The following MXD4 variants were observed in gnomAD, a reference collection of about 807,000 sequenced individuals.
The protein encoded by MXD4 is Mad4 homolog.
A neutral mutation model predicts 24.5 loss-of-function variants in MXD4; 16 were observed. That is an observed-to-expected ratio of 0.65 (90% confidence interval 0.44 to 0.99). The LOEUF is 0.99. Among genes scored for constraint, MXD4 ranks in the 50% least tolerant of loss-of-function variants. MXD4 has a pLI of 0.00. For missense variants in MXD4, 301 were observed against 301.5 expected, an observed-to-expected ratio of 1.00 and a Z score of 0.01; for synonymous variants, 164 against 134.2, an observed-to-expected ratio of 1.22 and a Z score of -1.54.
intron 3 of MXD4, among the ~76,000 whole-genome samples, chr4:2,256,109 C>A (rs185885501): frequency 8.5e-5 from 13 of 152,340 alleles, no homozygotes; most frequent in Admixed American, 7.8e-4. Flanking sequence ...TCTGGACTGG[C>A]CTTTGGGATG....
intron 3 of MXD4, 79 bp from the exon 4 acceptor site, chr4:2,252,601 AC>A (rs2108788874): frequency 1.1e-6 from 1 of 907,546 alleles, no homozygotes; most frequent in Non-Finnish European, 1.7e-6. Context: ...GCACAGACCC[AC>A]CCCCACCATC....
Position 2,252,490 on chromosome 4 carries a change from A to G in MXD4, c.227T>C (p.Leu76Pro). The G allele has an allele frequency of 6.2e-7, 1 of 1,611,790 alleles. No individual in the cohort carries two copies. The highest frequency in any genetic ancestry group is 8.5e-7 in the Non-Finnish European group (1 of 1,179,892). Residue 76 changes from leucine (L) to proline (P), a missense_variant, in exon 4 of 6, where the codon CTC (leucine) becomes CCC (proline). Physicochemically the swap from Leu to Pro is moderately conservative, Grantham distance 98. Coordinates refer to ENST00000337190, the MANE Select transcript of MXD4 (RefSeq NM_006454.3). ...RAKLRLYLEQ[L>P]KQLVPLGPDS... ...GGGGCCCAGGGGCACCAGTTGCTTG[A>G]GCTGCTCAAGGTACAGCCTGAGTTT...
At chr4:2,255,939 C>T (rs966641641) in intron 3 of MXD4, among the ~76,000 whole-genome samples, 1 of 152,134 alleles carries the variant, frequency 6.6e-6, no homozygotes, top group Admixed American at 6.5e-5. Flanking sequence ...GTGCCTCCCA[C>T]TCCCTCTGCC....
Position 2,247,445 on chromosome 4 carries a change from T to C in MXD4, c.*3099A>G, listed in dbSNP as rs528504709. On this transcript the variant is annotated 3_prime_UTR_variant, in exon 6 of 6. Transcript: ENST00000337190. ...GAGCCAGCAGGGTGAGATATAAAAATCTGTATTTATATTACAATGACATAA... is the reference window on the plus strand; with the variant it reads ...GAGCCAGCAGGGTGAGATATAAAAACCTGTATTTATATTACAATGACATAA... 3.3e-5 allele frequency: 5 copies of C among 152,368 alleles called. No individual in the cohort carries two copies. The highest frequency in any genetic ancestry group is 9.6e-5 in the African/African-American group (4 of 41,574). The allele number at this position is 152,368 out of a possible 1,614,324, so 9.4% of individuals were successfully genotyped here. A position where few individuals can be genotyped will look rare whatever the true frequency, so the allele number is the denominator to read the frequency against.
rs1380168333 is a variant in MXD4 at position 2,249,105 on chromosome 4, C to T, written c.*1439G>A. 1 of 152,486 alleles carries T rather than the reference C, an allele frequency of 6.6e-6. No individual in the cohort carries two copies. The highest frequency in any genetic ancestry group is 1.5e-5 in the Non-Finnish European group (1 of 68,092). The allele number at this position is 152,486 out of a possible 1,614,324, so 9.4% of individuals were successfully genotyped here. A position where few individuals can be genotyped will look rare whatever the true frequency, so the allele number is the denominator to read the frequency against. On this transcript the variant is annotated 3_prime_UTR_variant, in exon 6 of 6. Transcript: ENST00000337190. ...ACCAGGTCACAGCCCCTCCGTGCCA[C>T]CCACAGGGGCCTGGCTGCATCGCCT...
In MXD4 at chr4:2,261,769, C is replaced by T. The variant is rs1479020906; in HGVS notation, c.120G>A (p.Glu40=). 1.4e-6 allele frequency: 2 copies of T among 1,431,992 alleles called. No individual in the cohort carries two copies. The highest frequency in any genetic ancestry group is 2.4e-5 in the Admixed American group (1 of 42,290). The allele number at this position is 1,431,992 out of a possible 1,614,324, so 88.7% of individuals were successfully genotyped here. Residue 40 remains glutamate, a synonymous_variant, in exon 2 of 6, where the codon GAG becomes GAA. Coordinates refer to ENST00000337190, the MANE Select transcript of MXD4 (RefSeq NM_006454.3). The part of the protein sequence containing the change: ...VLPFDGDFAR[E]KTKAAGLVRK... Reference sequence around the variant, plus strand: ...GCACCAGGCCGGCCGCCTTTGTTTTCTCCCTGGCGAAGTCGCCGTCGAAGG... The same window carrying T: ...GCACCAGGCCGGCCGCCTTTGTTTTTTCCCTGGCGAAGTCGCCGTCGAAGG...
At chr4:2,259,233 C>T (rs1735491182) in intron 2 of MXD4, among the ~76,000 whole-genome samples, 1 of 152,216 alleles carries the variant, frequency 6.6e-6, no homozygotes, top group Non-Finnish European at 1.5e-5. Context: ...AAGGGCCTGC[C>T]CCTCCCACCC....
At chr4:2,257,399 C>A (rs1187671993) in intron 3 of MXD4, among the ~76,000 whole-genome samples, 1 of 152,218 alleles carries the variant, frequency 6.6e-6, no homozygotes, top group Non-Finnish European at 1.5e-5. Flanking sequence ...GCTCCCGCTG[C>A]CAGCCCCTAG....
chr4:2,254,384 C>T (rs952017978), intron 3 of MXD4: 2 of 152,046 alleles, frequency 1.3e-5, no homozygotes, highest in African/African-American at 4.8e-5. Flanking sequence ...ACACAAGAGA[C>T]GACAGAATCA....
intron 4 of MXD4, 119 bp from the exon 5 acceptor site, chr4:2,251,365 G>T: frequency 7.8e-7 from 1 of 1,273,918 alleles, no homozygotes; most frequent in Non-Finnish European, 1.0e-6. Context: ...CCAAGACCTA[G>T]CCAAGGCTAC....
rs1735560316 is a variant in MXD4, at chr4:2,262,032, C to CGCTCCGGCCG, written c.-62_-53dup. 4 of 1,025,788 alleles carry CGCTCCGGCCG rather than the reference C, an allele frequency of 3.9e-6. No homozygotes were observed. Among genetic ancestry groups the CGCTCCGGCCG allele is most frequent in the Non-Finnish European group, 4.7e-6 (4 of 848,058 alleles). The allele number at this position is 1,025,788 out of a possible 1,614,324, so 63.5% of individuals were successfully genotyped here. A position where few individuals can be genotyped will look rare whatever the true frequency, so the allele number is the denominator to read the frequency against. On this transcript the variant is annotated 5_prime_UTR_variant, in exon 1 of 6. Coordinates refer to ENST00000337190, the MANE Select transcript of MXD4 (RefSeq NM_006454.3). The stretch of plus-strand genomic sequence containing the variant: ...GGACGGCGGCGGCCGCTGCCCGGCC[C>CGCTCCGGCCG]GCTCCGGCCGGCTCCGCTCGCCGCC...
intron 3 of MXD4, 22 bp from the exon 4 acceptor site, chr4:2,252,544 C>A (rs773597850): frequency 8.9e-6 from 14 of 1,579,674 alleles, no homozygotes; most frequent in Admixed American, 1.7e-5. Flanking sequence ...AGAGACAGAA[C>A]CATCAGGCTG....
intron 2 of MXD4, 116 bp downstream of exon 2, chr4:2,261,609 G>A (rs1479140936): frequency 9.2e-6 from 4 of 434,608 alleles, no homozygotes; most frequent in South Asian, 9.3e-5. Context: ...GGCCGCCGGG[G>A]CGCGCGGCGG....
chr4:2,258,371 C>T (rs1176216647), intron 2 of MXD4, among the ~76,000 whole-genome samples: 1 of 152,166 alleles, frequency 6.6e-6, no homozygotes, highest in African/African-American at 2.4e-5. Flanking sequence ...GCGCCCAGGG[C>T]CACCAGCCCA....
At chr4:2,259,854 C>T (rs996656501) in intron 2 of MXD4, among the ~76,000 whole-genome samples, 1 of 152,164 alleles carries the variant, frequency 6.6e-6, no homozygotes, top group Non-Finnish European at 1.5e-5. Flanking sequence ...CAGAATGGAC[C>T]CCCCTGCAGG....
chr4:2,257,947 G>A (rs1735463735), intron 3 of MXD4, 35 bp downstream of exon 3: 1 of 1,613,442 alleles, frequency 6.2e-7, no homozygotes, highest in South Asian at 1.1e-5. Flanking sequence ...TGGGCCAGGT[G>A]TCGGGCTCAT....
chr4:2,258,378 C>G lies in MXD4; in HGVS notation c.165-367G>C, dbSNP rs182798422. On this transcript the variant is annotated intron_variant, in intron 2 of 5. Transcript: ENST00000337190. The stretch of plus-strand genomic sequence containing the variant: ...GGTCCAGGGCGCCCAGGGCCACCAG[C>G]CCACCTAGCAAGGCCCGTGGTGAAT... 7.9e-5 allele frequency among the ~76,000 whole-genome samples: 12 copies of G among 152,246 alleles called. No individual in the cohort carries two copies. In the East Asian group the frequency reaches 2.1e-3, roughly 27 times the overall value.
At chr4:2,260,513 G>C (rs1380492285) in intron 2 of MXD4, 1 of 455,548 alleles carries the variant, frequency 2.2e-6, no homozygotes, top group South Asian at 1.6e-5. Flanking sequence ...TTCTCCACGG[G>C]TCAGGGACTT....
At chr4:2,252,633 G>A in intron 3 of MXD4, 111 bp from the exon 4 acceptor site, 1 of 714,362 alleles carries the variant, frequency 1.4e-6, no homozygotes, top group Non-Finnish European at 2.3e-6. Flanking sequence ...CATGTGCTGA[G>A]GGTCCCTCTC....
Sources: gnomAD v4.1 joint callset for allele counts (sites outside exome capture counted in the v4.1 genomes callset) on GRCh38, gnomAD v4.1.1 for gene constraint, MANE v1.5 for transcripts, NCBI Gene and HGNC (gene_info 2026-07-23, HGNC 2026-07-21) for gene names.